The following PDE1A variants were observed in gnomAD, a reference collection of about 807,000 sequenced individuals.
The protein encoded by PDE1A is dual specificity calcium/calmodulin-dependent 3',5'-cyclic nucleotide phosphodiesterase 1A.
A neutral mutation model predicts 61.7 loss-of-function variants in PDE1A; 35 were observed. The ratio of observed to expected loss-of-function variants is 0.57; its 90% CI spans 0.43 to 0.75. PDE1A has a LOEUF of 0.75. Among genes scored for constraint, PDE1A ranks in the 30% least tolerant of loss-of-function variants. The pLI, the probability that PDE1A is intolerant of heterozygous loss-of-function variation, is 0.00. For synonymous variants in PDE1A, 232 were observed against 213.2 expected (o/e 1.09, Z -0.77); for missense variants, 597 against 630.6 (o/e 0.95, Z 0.57).
chr2:182,606,561 G>A, the PDE1A span, among the ~76,000 whole-genome samples: 1 of 152,074 alleles, frequency 6.6e-6, no homozygotes, highest in South Asian at 2.1e-4. Context: ...TAGCTACTGA[G>A]GATACAGCAG....
rs541289025 is a variant in PDE1A at position 182,513,678 on chromosome 2, C to T, written c.101+8598G>A. 4.7e-4 allele frequency among the ~76,000 whole-genome samples: 71 copies of T among 152,268 alleles called. 2 individuals are homozygous for T. In the South Asian group the frequency reaches 0.014, roughly 30 times the overall value. ...AGTTGGATAAAGAAGCAAGGCCCAACCTGTATGCTGTCTTCAAGAGACTCA... is the reference window on the plus strand; with the variant it reads ...AGTTGGATAAAGAAGCAAGGCCCAATCTGTATGCTGTCTTCAAGAGACTCA... On this transcript the variant is annotated intron_variant, in intron 2 of 14. Coordinates refer to the PDE1A transcript ENST00000410103.
At chr2:182,225,384 G>T (rs1257141603) in intron 6 of PDE1A, among the ~76,000 whole-genome samples, 2 of 151,906 alleles carry the variant, frequency 1.3e-5, no homozygotes, top group Non-Finnish European at 2.9e-5. Flanking sequence ...AGTCAAAAAT[G>T]AAGGCAGTGA....
At chr2:182,627,083 AAATG>A in the PDE1A span, among the ~76,000 whole-genome samples, 10 of 27,442 alleles carry the variant, frequency 3.6e-4, 1 homozygote, top group African/African-American at 1.5e-3. Context: ...TATATAATAT[AAATG>A]ATATATTATG....
chr2:182,668,049 G>C, the PDE1A span, among the ~76,000 whole-genome samples: 2 of 152,210 alleles, frequency 1.3e-5, no homozygotes, highest in East Asian at 3.9e-4. Flanking sequence ...AGGGAAAAGA[G>C]ATTCCTAAAT....
At chr2:182,234,756 C>A (rs963055727) in intron 3 of PDE1A, among the ~76,000 whole-genome samples, 2 of 152,162 alleles carry the variant, frequency 1.3e-5, no homozygotes, top group African/African-American at 4.8e-5. Flanking sequence ...ATATCCTTCC[C>A]TGAACTTGAT....
At chr2:182,177,898 G>C (rs1216159283) in intron 13 of PDE1A, among the ~76,000 whole-genome samples, 2 of 152,026 alleles carry the variant, frequency 1.3e-5, no homozygotes, top group Non-Finnish European at 2.9e-5. Flanking sequence ...AAAAAAATAA[G>C]CTTCTAATCT....
rs567157967 is a variant in PDE1A at position 182,426,404 on chromosome 2, C to T, written c.53+174G>A. On this transcript the variant is annotated intron_variant, in intron 1 of 13. Coordinates refer to ENST00000351439, the Ensembl canonical transcript of PDE1A. Reference sequence around the variant, plus strand: ...TCAGGAGTTGATAAGAGTTTGTGCACAAAGTTTCAGAAAACAGAAAACAAA... The same window carrying T: ...TCAGGAGTTGATAAGAGTTTGTGCATAAAGTTTCAGAAAACAGAAAACAAA... Among the ~76,000 whole-genome samples the T allele has an allele frequency of 2.6e-5, 4 of 152,124 alleles. 1 individual carries two copies. The South Asian group carries it at 8.3e-4, about 32-fold the overall frequency.
At chr2:182,325,961 A>C (rs1009170590) in intron 1 of PDE1A, among the ~76,000 whole-genome samples, 2 of 152,118 alleles carry the variant, frequency 1.3e-5, no homozygotes, top group Non-Finnish European at 2.9e-5. Flanking sequence ...AAACCAGTTT[A>C]AAAATTGGCA....
intron 6 of PDE1A, among the ~76,000 whole-genome samples, 185 bp downstream of exon 6, chr2:182,229,821 T>C (rs1689432476): frequency 6.6e-6 from 1 of 152,030 alleles, no homozygotes; most frequent in African/African-American, 2.4e-5. Context: ...TTGCACTGAC[T>C]TAAAGTATTT....
At chr2:182,153,758 G>A (rs1305355693) in intron 13 of PDE1A, among the ~76,000 whole-genome samples, 1 of 152,130 alleles carries the variant, frequency 6.6e-6, no homozygotes, top group Non-Finnish European at 1.5e-5. Context: ...GGCTCGTAGA[G>A]GCAAGTTGAT....
intron 1 of PDE1A, among the ~76,000 whole-genome samples, chr2:182,360,469 C>T (rs987802618): frequency 3.3e-5 from 5 of 150,608 alleles, no homozygotes; most frequent in African/African-American, 1.2e-4. Context: ...CAAGACCAAA[C>T]ATAGGGATAG....
At chr2:182,420,622 GT>G (rs1323576148) in intron 1 of PDE1A, among the ~76,000 whole-genome samples, 1 of 152,126 alleles carries the variant, frequency 6.6e-6, no homozygotes, top group African/African-American at 2.4e-5. Flanking sequence ...TTAAATATCT[GT>G]TTTGGTTTAA....
the PDE1A span, among the ~76,000 whole-genome samples, chr2:182,700,504 A>T: frequency 6.6e-6 from 1 of 151,784 alleles, no homozygotes. Flanking sequence ...CGGGTGGCTC[A>T]CAAGGTCAGG....
the PDE1A span, among the ~76,000 whole-genome samples, chr2:182,673,260 A>G: frequency 6.6e-6 from 1 of 152,198 alleles, no homozygotes; most frequent in Non-Finnish European, 1.5e-5. Flanking sequence ...GCTGAGCTTA[A>G]AATTTCAAGT....
intron 2 of PDE1A, among the ~76,000 whole-genome samples, chr2:182,445,176 T>C (rs1289700766): frequency 6.6e-6 from 1 of 152,120 alleles, no homozygotes; most frequent in East Asian, 1.9e-4. Flanking sequence ...AAGTTTTACT[T>C]CTTAACACCA....
intron 1 of PDE1A, among the ~76,000 whole-genome samples, chr2:182,376,634 A>T (rs1700422753): frequency 6.6e-6 from 1 of 152,176 alleles, no homozygotes; most frequent in Admixed American, 6.5e-5. Flanking sequence ...CCAGTTTCAA[A>T]GTCACTTCCA....
chr2:182,623,846 C>T, the PDE1A span, among the ~76,000 whole-genome samples: 1 of 152,152 alleles, frequency 6.6e-6, no homozygotes, highest in African/African-American at 2.4e-5. Flanking sequence ...AGAAGACAGG[C>T]CAGGCGCGGT....
the PDE1A span, among the ~76,000 whole-genome samples, chr2:182,711,766 C>A: frequency 6.6e-6 from 1 of 152,126 alleles, no homozygotes; most frequent in Non-Finnish European, 1.5e-5. Context: ...GAAAGAATTC[C>A]CACTGGTCCA....
At chr2:182,419,464 T>G (rs151315175) in intron 1 of PDE1A, among the ~76,000 whole-genome samples, 1 of 151,818 alleles carries the variant, frequency 6.6e-6, no homozygotes. Flanking sequence ...GCCTCCCGAG[T>G]AGCTAGGACT....
Sources: allele counts gnomAD v4.1 joint callset (sites outside exome capture counted in the v4.1 genomes callset), GRCh38; gene constraint gnomAD v4.1.1; transcripts MANE v1.5; gene names NCBI Gene and HGNC (gene_info 2026-07-23, HGNC 2026-07-21).